Variants in HS3ST5 observed in about 807,000 individuals in gnomAD.
The protein encoded by HS3ST5 is heparan sulfate glucosamine 3-O-sulfotransferase 5.
In HS3ST5, 10 loss-of-function variants were observed where a neutral mutation model predicts 25.4. The ratio of observed to expected loss-of-function variants is 0.39; its 90% CI spans 0.24 to 0.67. The LOEUF (loss-of-function observed/expected upper bound fraction) is 0.67, where lower values mean the gene tolerates loss of function less well. Among genes scored for constraint, HS3ST5 ranks in the 30% least tolerant of loss-of-function variants. The pLI, the probability that HS3ST5 is intolerant of heterozygous loss-of-function variation, is 0.44. For synonymous variants in HS3ST5, 170 were observed against 162.4 expected (o/e 1.05, Z -0.36); for missense variants, 324 against 420.7 (o/e 0.77, Z 2.01).
intron 1 of HS3ST5, among the ~76,000 whole-genome samples, chr6:114,295,379 A>AAG (rs1774771540): frequency 6.6e-6 from 1 of 152,166 alleles, no homozygotes; most frequent in South Asian, 2.1e-4. Context: ...CCTTCTCCAA[A>AAG]AGAGATAAAG....
intron 2 of HS3ST5, among the ~76,000 whole-genome samples, chr6:114,175,922 C>T (rs1018774652): frequency 1.5e-4 from 23 of 152,108 alleles, no homozygotes; most frequent in African/African-American, 4.6e-4. Context: ...TCCTTTGTCT[C>T]TTTAGTATAT....
intron 1 of HS3ST5, among the ~76,000 whole-genome samples, chr6:114,280,334 A>G (rs1194717446): frequency 6.6e-6 from 1 of 151,946 alleles, no homozygotes; most frequent in African/African-American, 2.4e-5. Context: ...AGAAAGATTT[A>G]ACAGGGGCCT....
chr6:114,299,454 C>T (rs1366935855), intron 1 of HS3ST5, among the ~76,000 whole-genome samples: 1 of 152,162 alleles, frequency 6.6e-6, no homozygotes, highest in Non-Finnish European at 1.5e-5. Context: ...CTGTGACCCA[C>T]ACCCTATTCT....
chr6:114,124,926 G>A (rs1158369597), intron 3 of HS3ST5, among the ~76,000 whole-genome samples: 6 of 152,170 alleles, frequency 3.9e-5, no homozygotes, highest in Non-Finnish European at 8.8e-5. Context: ...GATCCATGGG[G>A]TGAGTCTAGT....
At chr6:114,094,434 C>T (rs1039398833) in intron 3 of HS3ST5, among the ~76,000 whole-genome samples, 37 of 152,150 alleles carry the variant, frequency 2.4e-4, no homozygotes, top group African/African-American at 7.7e-4. Flanking sequence ...TGAGATTTCT[C>T]AGAGGTATGT....
At chr6:114,073,850 T>G (rs1773972348) in intron 3 of HS3ST5, among the ~76,000 whole-genome samples, 1 of 152,208 alleles carries the variant, frequency 6.6e-6, no homozygotes, top group South Asian at 2.1e-4. Flanking sequence ...TGCACACATA[T>G]GTTTATTGTG....
chr6:114,199,214 A>C (rs1434014836), intron 2 of HS3ST5, among the ~76,000 whole-genome samples: 1 of 152,208 alleles, frequency 6.6e-6, no homozygotes, highest in Non-Finnish European at 1.5e-5. Flanking sequence ...TACCAAAATA[A>C]ACAGGGAAAA....
At chr6:114,066,565 G>A (rs978807532) in intron 3 of HS3ST5, among the ~76,000 whole-genome samples, 12 of 152,106 alleles carry the variant, frequency 7.9e-5, no homozygotes, top group African/African-American at 2.9e-4. Context: ...CCCGGGAGGC[G>A]GAGGTTGTAG....
intron 3 of HS3ST5, among the ~76,000 whole-genome samples, chr6:114,154,979 C>T (rs1188892397): frequency 6.6e-6 from 1 of 152,150 alleles, no homozygotes; most frequent in Non-Finnish European, 1.5e-5. Context: ...GTCTCCCCTC[C>T]ACCACCCCAC....
rs1237779856 is a variant in HS3ST5 at position 114,122,281 on chromosome 6, G to A, written c.-33+46070C>T. On this transcript the variant is annotated intron_variant, in intron 3 of 4. Transcript: ENST00000312719. ...TGAGGCTGACCTTTGGGGGCTGTGC[G>A]TAAACATTTCATCATTCACATAAGC... Among the ~76,000 whole-genome samples, 11 of 152,288 alleles carry A rather than the reference G, an allele frequency of 7.2e-5. No individual in the cohort carries two copies. The East Asian group carries it at 1.9e-3, about 27-fold the overall frequency.
intron 3 of HS3ST5, among the ~76,000 whole-genome samples, chr6:114,159,135 A>G (rs1283205211): frequency 6.6e-6 from 1 of 152,234 alleles, no homozygotes; most frequent in Non-Finnish European, 1.5e-5. Context: ...TCCAAAGAAC[A>G]TAACTAGTAA....
intron 3 of HS3ST5, among the ~76,000 whole-genome samples, chr6:114,139,331 G>A (rs533514944): frequency 5.9e-5 from 9 of 152,022 alleles, no homozygotes; most frequent in East Asian, 5.8e-4. Context: ...TGGGAAGAGC[G>A]GTTGGAAAAG....
At chr6:114,225,280 A>G (rs1292630764) in intron 2 of HS3ST5, among the ~76,000 whole-genome samples, 1 of 151,840 alleles carries the variant, frequency 6.6e-6, no homozygotes, top group Non-Finnish European at 1.5e-5. Context: ...CATTGAAGGA[A>G]AGTTTGTAAG....
intron 3 of HS3ST5, among the ~76,000 whole-genome samples, chr6:114,142,188 G>A (rs1777941549): frequency 1.3e-5 from 2 of 152,000 alleles, no homozygotes; most frequent in African/African-American, 4.8e-5. Flanking sequence ...ATTATTTCAA[G>A]GATAACAACT....
Position 114,265,068 on chromosome 6 carries a change from A to G in HS3ST5, c.-338-36290T>C, listed in dbSNP as rs537455461. Among the ~76,000 whole-genome samples the G allele has an allele frequency of 2.3e-3, 351 of 152,140 alleles. 2 individuals carry two copies. Among genetic ancestry groups the G allele is most frequent in the African/African-American group, 8.2e-3 (342 of 41,512 alleles). On this transcript the variant is annotated intron_variant, in intron 1 of 4. Transcript: ENST00000312719. The stretch of plus-strand genomic sequence containing the variant: ...CTAATTTTTATTTTTATTTTTTGGT[A>G]GAGATGGGGTCTTGCTGTGTTGTCC...
chr6:114,260,744 G>A (rs78876259), intron 1 of HS3ST5, among the ~76,000 whole-genome samples: 1 of 152,166 alleles, frequency 6.6e-6, no homozygotes, highest in Non-Finnish European at 1.5e-5. Flanking sequence ...AGGTGTTCTA[G>A]GCAAAAGGGC....
chr6:114,330,708 C>G (rs1023406993), intron 1 of HS3ST5, among the ~76,000 whole-genome samples: 1 of 152,184 alleles, frequency 6.6e-6, no homozygotes, highest in African/African-American at 2.4e-5. Flanking sequence ...AGAGCCAAGA[C>G]CCCACTTGGT....
intron 2 of HS3ST5, among the ~76,000 whole-genome samples, chr6:114,222,791 G>A (rs564307907): frequency 6.6e-6 from 1 of 151,858 alleles, no homozygotes; most frequent in Non-Finnish European, 1.5e-5. Context: ...GCTAACCTGA[G>A]GAAACTACCA....
At chr6:114,289,767 A>G (rs920367950) in intron 1 of HS3ST5, among the ~76,000 whole-genome samples, 3 of 152,158 alleles carry the variant, frequency 2.0e-5, no homozygotes, top group Admixed American at 1.3e-4. Flanking sequence ...CATAATCATT[A>G]CCTAAGGGAC....
Sources: allele counts gnomAD v4.1 joint callset (sites outside exome capture counted in the v4.1 genomes callset), GRCh38; gene constraint gnomAD v4.1.1; transcripts MANE v1.5; gene names NCBI Gene and HGNC (gene_info 2026-07-23, HGNC 2026-07-21).